The following MPDZ variants were observed in gnomAD, a reference collection of about 807,000 sequenced individuals.
MPDZ encodes multiple PDZ domain protein.
A neutral mutation model predicts 239.1 loss-of-function variants in MPDZ; 234 were observed. The ratio of observed to expected loss-of-function variants is 0.98; its 90% CI spans 0.88 to 1.09. The LOEUF is 1.09. Among genes scored for constraint, MPDZ ranks in the 50% least tolerant of loss-of-function variants. MPDZ has a pLI of 0.00. For synonymous variants in MPDZ, 1,048 were observed against 881.3 expected (o/e 1.19, Z -3.35); for missense variants, 3,175 against 2,510.0 (o/e 1.26, Z -5.66).
At chr9:13,264,270 CTT>C (rs2138905220) in intron 1 of MPDZ, among the ~76,000 whole-genome samples, 1 of 152,262 alleles carries the variant, frequency 6.6e-6, no homozygotes, top group South Asian at 2.1e-4. Flanking sequence ...TACATTCTTA[CTT>C]TACCTGCAGA....
At chr9:13,219,790 A>T (rs1958847667) in intron 7 of MPDZ, 22 bp from the exon 8 acceptor site, 2 of 1,603,558 alleles carry the variant, frequency 1.2e-6, no homozygotes, top group African/African-American at 2.7e-5. Flanking sequence ...AATATTGAAT[A>T]ATTAGACTAT....
At chr9:13,262,026 C>A (rs1038908080) in intron 1 of MPDZ, among the ~76,000 whole-genome samples, 16 of 150,134 alleles carry the variant, frequency 1.1e-4, no homozygotes, top group Non-Finnish European at 2.2e-4. Flanking sequence ...GCCTGGGCAA[C>A]AGAACAAGAC....
chr9:13,204,260 AG>A (rs57668620), intron 12 of MPDZ, among the ~76,000 whole-genome samples: 3,319 of 152,258 alleles, frequency 0.022, 54 homozygotes, highest in Middle Eastern at 0.058. Context: ...GAATAAAAAG[AG>A]GGCAGCAACA....
intron 10 of MPDZ, among the ~76,000 whole-genome samples, chr9:13,206,303 T>C (rs1564027830): frequency 1.3e-5 from 2 of 152,146 alleles, no homozygotes; most frequent in African/African-American, 4.8e-5. Context: ...TTTGAGAGGC[T>C]TCTGTTTATT....
chr9:13,173,467 C>T (rs1001676408), intron 21 of MPDZ, among the ~76,000 whole-genome samples: 1 of 151,956 alleles, frequency 6.6e-6, no homozygotes, highest in African/African-American at 2.4e-5. Context: ...CTTTGGGAGG[C>T]GGAGATGGGT....
At chr9:13,216,939 TAAA>T (rs1263846216) in intron 9 of MPDZ, 77 bp from the exon 10 acceptor site, 21 of 1,111,808 alleles carry the variant, frequency 1.9e-5, no homozygotes, top group Admixed American at 4.1e-5. Flanking sequence ...TCTCCAACTA[TAAA>T]GCTCTAATTC....
chr9:13,247,940 C>T, intron 2 of MPDZ, 139 bp from the exon 3 acceptor site: 2 of 843,932 alleles, frequency 2.4e-6, no homozygotes, highest in Non-Finnish European at 1.8e-6. Flanking sequence ...AATAAAAAAA[C>T]AGTAGGCCGG....
At chr9:13,245,865 A>G (rs1276965139) in intron 3 of MPDZ, among the ~76,000 whole-genome samples, 3 of 152,150 alleles carry the variant, frequency 2.0e-5, no homozygotes, top group African/African-American at 7.2e-5. Context: ...TTCATGAGAC[A>G]CTGTATGCAC....
intron 1 of MPDZ, among the ~76,000 whole-genome samples, chr9:13,265,288 G>A (rs936732198): frequency 5.3e-5 from 8 of 152,172 alleles, no homozygotes; most frequent in African/African-American, 1.7e-4. Flanking sequence ...TGGGCAGGTC[G>A]ACCGTGCATT....
intron 10 of MPDZ, among the ~76,000 whole-genome samples, chr9:13,214,893 C>T (rs960547917): frequency 6.6e-6 from 1 of 151,806 alleles, no homozygotes; most frequent in African/African-American, 2.4e-5. Flanking sequence ...AGGAGTTTCA[C>T]AGAACAAAAC....
chr9:13,106,821 G>A lies in MPDZ; in HGVS notation c.*144C>T, dbSNP rs1264112728. The A allele has an allele frequency of 3.5e-6, 3 of 850,466 alleles. No individual in the cohort carries two copies. Among genetic ancestry groups the A allele is most frequent in the East Asian group, 2.5e-5 (1 of 39,558 alleles). 52.7% of individuals were successfully genotyped at this position (850,466 alleles called of 1,614,324 possible). ...GTCAGTAAGGAAAGCATTTCTAGAT[G>A]AGAAAAAGAAACTTAAGTGTTATTT... is the stretch of plus-strand genomic sequence containing the variant. On this transcript the variant is annotated 3_prime_UTR_variant, in exon 47 of 47. Coordinates refer to ENST00000319217, the MANE Select transcript of MPDZ (RefSeq NM_001378778.1).
At chr9:13,242,903 G>T (rs565964263) in intron 3 of MPDZ, among the ~76,000 whole-genome samples, 1 of 152,142 alleles carries the variant, frequency 6.6e-6, no homozygotes, top group Non-Finnish European at 1.5e-5. Flanking sequence ...AGCAGCTCCC[G>T]TATCTTCCAG....
chr9:13,185,398 G>A (rs563817314), intron 18 of MPDZ, among the ~76,000 whole-genome samples: 62 of 152,090 alleles, frequency 4.1e-4, no homozygotes, highest in Non-Finnish European at 6.9e-4. Context: ...ACATAATGAA[G>A]AATTTAACAG....
At position 13,196,148 on chromosome 9, in the gene MPDZ, C is replaced by G; in HGVS notation, c.1629G>C (p.Arg543Ser). Residue 543 changes from arginine to serine, a missense_variant, in exon 13 of 47, where the codon AGG becomes AGC. Transcript: ENST00000319217. Reference sequence around the variant, plus strand: ...CTATTTCATAGTTAATTCCCATAATCCTTTGCCATTTTGTCAGCAGAGCAG... The same window carrying G: ...CTATTTCATAGTTAATTCCCATAATGCTTTGCCATTTTGTCAGCAGAGCAG... ...QEAALLTKWQRIMGINYEIVV... is the reference protein window; with the variant it reads ...QEAALLTKWQSIMGINYEIVV... The G allele has an allele frequency of 6.2e-7, 1 of 1,601,854 alleles. No individual in the cohort carries two copies. The highest frequency in any genetic ancestry group is 8.5e-7 in the Non-Finnish European group (1 of 1,173,050).
chr9:13,177,410 G>C (rs1952640066), intron 19 of MPDZ, among the ~76,000 whole-genome samples: 1 of 152,062 alleles, frequency 6.6e-6, no homozygotes, highest in Admixed American at 6.6e-5. Flanking sequence ...CATCAGTTAG[G>C]TGTTTATCCA....
intron 46 of MPDZ, among the ~76,000 whole-genome samples, chr9:13,107,753 A>G (rs1456094663): frequency 1.3e-5 from 2 of 152,342 alleles, no homozygotes; most frequent in East Asian, 3.9e-4. Flanking sequence ...AAATACAGAC[A>G]TTGGTGTTAG....
At chr9:13,192,341 G>T in intron 14 of MPDZ, 46 bp from the exon 15 acceptor site, 1 of 1,495,040 alleles carries the variant, frequency 6.7e-7, no homozygotes, top group South Asian at 1.3e-5. Flanking sequence ...TTCATAATAT[G>T]AACATTCTTT....
At chr9:13,181,390 A>T in intron 19 of MPDZ, among the ~76,000 whole-genome samples, 1 of 152,240 alleles carries the variant, frequency 6.6e-6, no homozygotes, top group East Asian at 1.9e-4. Context: ...TTATATATTT[A>T]TTTTATTTAC....
chr9:13,150,952 G>A (rs963684815), intron 24 of MPDZ, among the ~76,000 whole-genome samples: 2 of 151,780 alleles, frequency 1.3e-5, no homozygotes, highest in African/African-American at 2.4e-5. Flanking sequence ...GAATACAAAG[G>A]GAACTTCTAA....
Sources: gnomAD v4.1 joint callset for allele counts (sites outside exome capture counted in the v4.1 genomes callset) on GRCh38, gnomAD v4.1.1 for gene constraint, MANE v1.5 for transcripts, NCBI Gene and HGNC (gene_info 2026-07-23, HGNC 2026-07-21) for gene names.